The following VWA3B variants were observed in gnomAD, a reference collection of about 807,000 sequenced individuals.
The protein encoded by VWA3B is von Willebrand factor A domain-containing protein 3B.
A neutral mutation model predicts 158.3 loss-of-function variants in VWA3B; 138 were observed. That is an observed-to-expected ratio of 0.87 (90% CI 0.76 to 1.00). The LOEUF is 1.00. Among genes scored for constraint, VWA3B ranks in the 50% least tolerant of loss-of-function variants. The pLI is 0.00. For synonymous variants in VWA3B, 596 were observed against 587.3 expected, an observed-to-expected ratio of 1.01 and a Z score of -0.21; for missense variants, 1,555 against 1,565.1, an observed-to-expected ratio of 0.99 and a Z score of 0.11.
At chr2:98,149,391 T>C (rs947819641) in intron 7 of VWA3B, among the ~76,000 whole-genome samples, 2 of 152,182 alleles carry the variant, frequency 1.3e-5, no homozygotes, top group Non-Finnish European at 2.9e-5. Flanking sequence ...TGGCTGAGCA[T>C]AGGGGCTCCA....
At chr2:98,216,984 C>CA (rs1553417734) in intron 13 of VWA3B, 9 of 1,239,836 alleles carry the variant, frequency 7.3e-6, no homozygotes, top group Non-Finnish European at 7.3e-6. Flanking sequence ...TTGTAAGCAC[C>CA]CGCCCCGCAC....
At position 98,255,828 on chromosome 2, in the gene VWA3B, G is replaced by T. The variant is rs368374314; in HGVS notation, c.2793-296G>T. 3.2e-4 allele frequency among the ~76,000 whole-genome samples: 49 copies of T among 152,228 alleles called. No individual in the cohort carries two copies. In the East Asian group the frequency reaches 5.2e-3, roughly 16 times the overall value. On this transcript the variant is annotated intron_variant, in intron 20 of 27. Transcript: ENST00000477737. ...AGAAAAATGGTGGGTGTTTAGAAAC[G>T]ACTTAAAACAGAGATAATGAAGACC...
chr2:98,252,524 G>A (rs777828135), intron 20 of VWA3B, among the ~76,000 whole-genome samples: 52 of 152,198 alleles, frequency 3.4e-4, no homozygotes, highest in Non-Finnish European at 6.8e-4. Context: ...TCTGACACCA[G>A]CTCTGTTCCA....
intron 21 of VWA3B, among the ~76,000 whole-genome samples, chr2:98,269,055 C>A (rs946775530): frequency 6.6e-6 from 1 of 152,046 alleles, no homozygotes; most frequent in African/African-American, 2.4e-5. Flanking sequence ...TCTTTGGGAC[C>A]AATTTCTAAA....
At chr2:98,108,360 T>C (rs188830223) in intron 2 of VWA3B, among the ~76,000 whole-genome samples, 20 of 152,334 alleles carry the variant, frequency 1.3e-4, no homozygotes, top group Non-Finnish European at 1.9e-4. Flanking sequence ...TTTCTATAAA[T>C]GTCAGTTAGA....
intron 13 of VWA3B, 44 bp from the exon 14 acceptor site, chr2:98,217,802 T>C (rs765545081): frequency 3.3e-6 from 5 of 1,496,370 alleles, no homozygotes; most frequent in Admixed American, 2.3e-5. Context: ...CTTTCTCTTC[T>C]CTTTCCATCT....
intron 8 of VWA3B, 53 bp from the exon 9 acceptor site, chr2:98,180,963 G>A (rs1301759351): frequency 6.4e-6 from 10 of 1,559,480 alleles, no homozygotes; most frequent in Non-Finnish European, 8.8e-6. Context: ...AGTTGGGGGT[G>A]TAATATGAAT....
At chr2:98,245,691 G>T (rs1032736041) in intron 19 of VWA3B, 38 of 416,942 alleles carry the variant, frequency 9.1e-5, no homozygotes, top group South Asian at 6.3e-4. Flanking sequence ...TTGCTTAGTG[G>T]TATTGATTCA....
intron 20 of VWA3B, among the ~76,000 whole-genome samples, chr2:98,250,663 G>A (rs1686743127): frequency 6.6e-6 from 1 of 151,904 alleles, no homozygotes; most frequent in African/African-American, 2.4e-5. Context: ...GCAACAATAG[G>A]AAGACCTTGT....
intron 2 of VWA3B, among the ~76,000 whole-genome samples, chr2:98,095,542 T>G (rs964966402): frequency 1.3e-5 from 2 of 152,234 alleles, no homozygotes; most frequent in Admixed American, 1.3e-4. Context: ...GGATTTTCTC[T>G]GTATAAGATT....
At chr2:98,262,151 G>A (rs776296898) in intron 21 of VWA3B, among the ~76,000 whole-genome samples, 12 of 151,590 alleles carry the variant, frequency 7.9e-5, no homozygotes, top group Non-Finnish European at 1.8e-4. Context: ...TGAGTTGTAG[G>A]AGTTGTTTAT....
chr2:98,133,330 G>A (rs1206360650), intron 6 of VWA3B, among the ~76,000 whole-genome samples: 1 of 152,130 alleles, frequency 6.6e-6, no homozygotes, highest in African/African-American at 2.4e-5. Flanking sequence ...TGGCTCCTGG[G>A]GAAGTGTGTG....
intron 9 of VWA3B, among the ~76,000 whole-genome samples, chr2:98,187,682 G>C (rs1255644790): frequency 6.6e-6 from 1 of 151,482 alleles, no homozygotes; most frequent in Non-Finnish European, 1.5e-5. Flanking sequence ...GTGTGTGTGT[G>C]TGTGTGTGTG....
At chr2:98,269,002 A>AG (rs1688037714) in intron 21 of VWA3B, among the ~76,000 whole-genome samples, 1 of 152,094 alleles carries the variant, frequency 6.6e-6, no homozygotes, top group Non-Finnish European at 1.5e-5. Context: ...ACAGACAAGA[A>AG]GGGGGGCAAA....
chr2:98,248,849 TTCTTTC>T (rs1359903262), intron 19 of VWA3B, among the ~76,000 whole-genome samples: 3 of 24,950 alleles, frequency 1.2e-4, no homozygotes, highest in African/African-American at 9.5e-4. Flanking sequence ...CTTTCTTTCT[TTCTTTC>T]TTTCTTTCTT....
chr2:98,226,386 C>G (rs1449637178), intron 14 of VWA3B, among the ~76,000 whole-genome samples: 1 of 152,148 alleles, frequency 6.6e-6, no homozygotes, highest in Non-Finnish European at 1.5e-5. Flanking sequence ...ATAATAAACC[C>G]CAACCTAAAC....
At position 98,311,858 on chromosome 2, in the gene VWA3B, G is replaced by A; in HGVS notation, c.3561G>A (p.Trp1187Ter). Reference protein sequence around the residue: ...VEARNSAFLFWPLKEADTQDS... With the variant: ...VEARNSAFLF ...CGAGGAACTCTGCTTTCCTCTTCTG[G>A]CCACTGAAAGAAGCGGACACGCAGG... The change falls in exon 27 of 28, where the codon TGG (tryptophan) becomes TGA (stop). Residue 1187 changes from tryptophan to a stop codon, truncating the protein, a stop_gained. Transcript: ENST00000477737. LOFTEE classifies it high-confidence loss of function. 1 of 1,611,946 alleles carries A rather than the reference G, an allele frequency of 6.2e-7. No homozygotes were observed. Among genetic ancestry groups the A allele is most frequent in the Non-Finnish European group, 8.5e-7 (1 of 1,179,182 alleles).
At chr2:98,144,552 G>A (rs1211151217) in intron 7 of VWA3B, among the ~76,000 whole-genome samples, 2 of 146,308 alleles carry the variant, frequency 1.4e-5, no homozygotes, top group Non-Finnish European at 3.0e-5. Context: ...GTGCCCATAG[G>A]GTTTTCTTTC....
At chr2:98,260,458 T>C (rs948048285) in intron 21 of VWA3B, among the ~76,000 whole-genome samples, 1 of 151,844 alleles carries the variant, frequency 6.6e-6, no homozygotes, top group East Asian at 1.9e-4. Flanking sequence ...AAAATAAGTA[T>C]AGCATAACAA....
Sources: gnomAD v4.1 joint callset for allele counts (sites outside exome capture counted in the v4.1 genomes callset) on GRCh38, gnomAD v4.1.1 for gene constraint, MANE v1.5 for transcripts, NCBI Gene and HGNC (gene_info 2026-07-23, HGNC 2026-07-21) for gene names.